RNF6: variants seen among roughly 807,000 people sequenced by gnomAD.
The protein encoded by RNF6 is ring finger protein 6, also known as E3 ubiquitin-protein ligase RNF6.
RNF6 carries 21 observed loss-of-function variants against 50.1 expected under a neutral mutation model. The ratio of observed to expected loss-of-function variants is 0.42; its 90% CI spans 0.30 to 0.60. The LOEUF (loss-of-function observed/expected upper bound fraction) is 0.60, where lower values mean the gene tolerates loss of function less well. Ranked by LOEUF, RNF6 falls within the 20% of genes least tolerant of loss-of-function variation. The probability of loss-of-function intolerance (pLI) is 0.20; values close to 1 mark genes in which losing one functional copy is unlikely to be tolerated. For synonymous variants in RNF6, 255 were observed against 291.8 expected (o/e 0.87, Z 1.29); for missense variants, 698 against 838.2 (o/e 0.83, Z 2.07).
chr13:26,170,875 G>A (rs1006204138), intron 5 of RNF6, among the ~76,000 whole-genome samples: 1 of 152,166 alleles, frequency 6.6e-6, no homozygotes, highest in Non-Finnish European at 1.5e-5. Context: ...AAAGAATACA[G>A]TTTGATCCTT....
At chr13:26,155,730 T>A (rs765296150) in intron 5 of RNF6, among the ~76,000 whole-genome samples, 1 of 152,138 alleles carries the variant, frequency 6.6e-6, no homozygotes, top group African/African-American at 2.4e-5. Context: ...AGTAGGGGAA[T>A]AGACAGAAAG....
intron 4 of RNF6, among the ~76,000 whole-genome samples, chr13:26,217,049 A>G (rs1224046668): frequency 6.6e-6 from 1 of 152,230 alleles, no homozygotes; most frequent in Admixed American, 6.5e-5. Context: ...ACTTTTTTAA[A>G]TGCTGAAGTT....
At chr13:26,215,928 A>C (rs1345963590) in intron 4 of RNF6, among the ~76,000 whole-genome samples, 1 of 152,230 alleles carries the variant, frequency 6.6e-6, no homozygotes, top group Non-Finnish European at 1.5e-5. Flanking sequence ...TTTACATTTA[A>C]ATTGCTTTAT....
intron 5 of RNF6, among the ~76,000 whole-genome samples, chr13:26,151,974 G>A (rs768099128): frequency 5.9e-5 from 9 of 152,090 alleles, no homozygotes; most frequent in Non-Finnish European, 1.2e-4. Flanking sequence ...TCAGTGAGCT[G>A]CTCACGACTG....
rs116699481 is a variant in RNF6 at position 26,168,149 on chromosome 13, C to T, written n.769-35698G>A. 4.2e-3 allele frequency among the ~76,000 whole-genome samples: 642 copies of T among 152,248 alleles called. 2 individuals are homozygous for T. The highest frequency in any genetic ancestry group is 0.014 in the African/African-American group (596 of 41,548). On this transcript the variant is annotated intron_variant and non_coding_transcript_variant, in intron 5 of 5. Transcript: ENST00000468480. ...TAATCTGTACAATCAATCCCCATGA[C>T]AAGAGTTTCCCTATGTAACAAACCT... is the stretch of plus-strand genomic sequence containing the variant.
downstream of RNF6, among the ~76,000 whole-genome samples, chr13:26,209,745 A>G (rs1869243752): frequency 6.6e-6 from 1 of 152,180 alleles, no homozygotes; most frequent in Non-Finnish European, 1.5e-5. Context: ...ATTAGGATTA[A>G]GTAGGAGCAT....
chr13:26,209,960 T>A (rs557303964), downstream of RNF6, among the ~76,000 whole-genome samples: 6 of 152,308 alleles, frequency 3.9e-5, no homozygotes, highest in South Asian at 1.2e-3. Flanking sequence ...AGAGATTTAA[T>A]ACTCAAACAA....
Position 26,189,476 on chromosome 13 carries a change from G to A in RNF6, n.768+25998C>T, listed in dbSNP as rs74919728. On this transcript the variant is annotated intron_variant and non_coding_transcript_variant, in intron 5 of 5. Coordinates refer to the RNF6 transcript ENST00000468480. ...TGTTTATGTATATCTGTGTTCATACGAAATTTCATATTTCATGCCAAGGAG... is the reference window on the plus strand; with the variant it reads ...TGTTTATGTATATCTGTGTTCATACAAAATTTCATATTTCATGCCAAGGAG... 6.3e-4 allele frequency among the ~76,000 whole-genome samples: 96 copies of A among 152,272 alleles called. 1 individual carries two copies. In the East Asian group the frequency reaches 0.017, roughly 27 times the overall value.
intron 5 of RNF6, among the ~76,000 whole-genome samples, chr13:26,197,818 G>A (rs1184320850): frequency 6.6e-6 from 1 of 151,854 alleles, no homozygotes; most frequent in Admixed American, 6.5e-5. Flanking sequence ...AAGGTCAGGA[G>A]ACTGAGACCA....
At chr13:26,179,269 G>C (rs1339473435) in intron 5 of RNF6, among the ~76,000 whole-genome samples, 1 of 152,104 alleles carries the variant, frequency 6.6e-6, no homozygotes, top group South Asian at 2.1e-4. Context: ...ACAGACACTC[G>C]CATAACAAGT....
At chr13:26,204,040 G>A (rs1429211061) in intron 5 of RNF6, among the ~76,000 whole-genome samples, 1 of 152,108 alleles carries the variant, frequency 6.6e-6, no homozygotes, top group African/African-American at 2.4e-5. Context: ...TCTCTGGAAG[G>A]TGTCAGACCC....
intron 5 of RNF6, among the ~76,000 whole-genome samples, chr13:26,144,328 GTTCTCCTTTGCTGAGGTGACCC>G (rs1566405996): frequency 2.0e-5 from 3 of 151,940 alleles, no homozygotes; most frequent in Admixed American, 1.3e-4. Context: ...GATTATTAAA[GTTCTCCTTTGCTGAGGTGACCC>G]CTTGGTAAGC....
intron 5 of RNF6, among the ~76,000 whole-genome samples, chr13:26,151,364 G>C (rs772051228): frequency 7.9e-5 from 12 of 152,054 alleles, no homozygotes; most frequent in South Asian, 2.1e-4. Flanking sequence ...CCAGGTTCAA[G>C]CGGTTCTCCT....
chr13:26,193,639 A>C (rs1317450857), intron 5 of RNF6, among the ~76,000 whole-genome samples: 1 of 151,782 alleles, frequency 6.6e-6, no homozygotes, highest in Non-Finnish European at 1.5e-5. Flanking sequence ...AAGTGGAGAG[A>C]GGGTAAGGTA....
At chr13:26,194,768 G>T (rs1052751966) in intron 5 of RNF6, among the ~76,000 whole-genome samples, 4 of 152,186 alleles carry the variant, frequency 2.6e-5, no homozygotes, top group African/African-American at 9.7e-5. Context: ...CTTGGAGTCT[G>T]ATGTTCAAGG....
chr13:26,221,571 C>G (rs1870503754), intron 1 of RNF6: 1 of 152,172 alleles, frequency 6.6e-6, no homozygotes, highest in South Asian at 2.1e-4. Flanking sequence ...GGGTTTACGC[C>G]TCCTCTCTCA....
At chr13:26,216,426 A>C (rs1869880076) in intron 4 of RNF6, among the ~76,000 whole-genome samples, 1 of 152,076 alleles carries the variant, frequency 6.6e-6, no homozygotes, top group African/African-American at 2.4e-5. Context: ...TCACTGTTAC[A>C]TCTCCAGCCT....
At chr13:26,205,287 A>G (rs931724854) in intron 5 of RNF6, among the ~76,000 whole-genome samples, 1 of 144,402 alleles carries the variant, frequency 6.9e-6, no homozygotes, top group Non-Finnish European at 1.6e-5. Context: ...ATTAAAAAAT[A>G]CAAGACTATT....
intron 5 of RNF6, among the ~76,000 whole-genome samples, chr13:26,133,915 T>C (rs1870516928): frequency 6.6e-6 from 1 of 152,230 alleles, no homozygotes; most frequent in Non-Finnish European, 1.5e-5. Context: ...GATTTTCAAT[T>C]GAAACCTAGA....
Sources: allele counts gnomAD v4.1 joint callset (sites outside exome capture counted in the v4.1 genomes callset), GRCh38; gene constraint gnomAD v4.1.1; transcripts MANE v1.5; gene names NCBI Gene and HGNC (gene_info 2026-07-23, HGNC 2026-07-21).